Variants in ORMDL1 observed in about 807,000 individuals in gnomAD.
ORMDL1 encodes the protein ORMDL sphingolipid biosynthesis regulator 1.
ORMDL1 carries 10 observed loss-of-function variants against 13.0 expected under a neutral mutation model. The observed-to-expected ratio is 0.77, with a 90% CI of 0.47 to 1.30. ORMDL1 has a LOEUF of 1.30. Ranked by LOEUF, ORMDL1 falls within the 50% of genes most tolerant of loss-of-function variation. ORMDL1 has a pLI of 0.00. For synonymous variants in ORMDL1, 61 were observed against 63.9 expected, an observed-to-expected ratio of 0.95 and a Z score of 0.22; for missense variants, 171 against 186.7, an observed-to-expected ratio of 0.92 and a Z score of 0.49.
At chr2:189,777,101 TCTC>T (rs1445589633) in intron 3 of ORMDL1, among the ~76,000 whole-genome samples, 2 of 152,298 alleles carry the variant, frequency 1.3e-5, no homozygotes, top group South Asian at 2.1e-4. Flanking sequence ...TAATAATTAA[TCTC>T]CTCTTTATGT....
chr2:189,768,255 G>A (rs1251569821), downstream of ORMDL1, among the ~76,000 whole-genome samples: 1 of 152,096 alleles, frequency 6.6e-6, no homozygotes, highest in Non-Finnish European at 1.5e-5. Context: ...TTTCAGTACT[G>A]AACTTGTTCA....
intron 3 of ORMDL1, among the ~76,000 whole-genome samples, chr2:189,776,190 T>C (rs1204888894): frequency 2.0e-5 from 3 of 152,146 alleles, no homozygotes; most frequent in Admixed American, 6.5e-5. Context: ...TTTTGAGATA[T>C]TTAATATGAT....
At chr2:189,765,844 T>C (rs2047474624), downstream of ORMDL1, among the ~76,000 whole-genome samples, 1 of 71,568 alleles carries the variant, frequency 1.4e-5, no homozygotes, top group Non-Finnish European at 3.2e-5. Context: ...TCTCCATTTT[T>C]TTTTTTTTTT....
chr2:189,766,783 C>T (rs993449200), downstream of ORMDL1, among the ~76,000 whole-genome samples: 2 of 151,994 alleles, frequency 1.3e-5, no homozygotes, highest in Non-Finnish European at 2.9e-5. Flanking sequence ...TTCTGCCTTC[C>T]AGCCCTTGGC....
downstream of ORMDL1, among the ~76,000 whole-genome samples, chr2:189,770,132 G>GA (rs1390630837): frequency 1.3e-5 from 2 of 152,094 alleles, no homozygotes; most frequent in Non-Finnish European, 2.9e-5. Context: ...AAGCAGTGAA[G>GA]AAAGCATGTC....
At chr2:189,776,508 C>T (rs963837569) in intron 3 of ORMDL1, among the ~76,000 whole-genome samples, 4 of 152,080 alleles carry the variant, frequency 2.6e-5, no homozygotes, top group East Asian at 1.9e-4. Flanking sequence ...CTGCTTGAGG[C>T]ACTTTATGTA....
chr2:189,771,951 A>G, intron 4 of ORMDL1, 49 bp from the exon 5 acceptor site: 2 of 1,343,146 alleles, frequency 1.5e-6, no homozygotes, highest in Non-Finnish European at 9.9e-7. Flanking sequence ...AAATAAAATT[A>G]CTTGGAACTT....
chr2:189,767,257 C>T (rs1574957425), downstream of ORMDL1, among the ~76,000 whole-genome samples: 1 of 152,300 alleles, frequency 6.6e-6, no homozygotes, highest in East Asian at 1.9e-4. Context: ...TTCCCACATA[C>T]TCCCCATGAC....
downstream of ORMDL1, among the ~76,000 whole-genome samples, chr2:189,769,725 AAAG>A (rs1414607393): frequency 1.3e-5 from 2 of 152,334 alleles, no homozygotes; most frequent in East Asian, 1.9e-4. Flanking sequence ...ATAAGTAAAT[AAAG>A]AAGGGACAAA....
chr2:189,771,797 A>G lies in ORMDL1; in HGVS notation c.432T>C (p.Gly144=). 6.2e-7 allele frequency: 1 copy of G among 1,608,272 alleles called. No homozygotes were observed. The highest frequency in any genetic ancestry group is 1.3e-5 in the African/African-American group (1 of 74,648). Residue 144 remains glycine, a synonymous_variant, in exon 5 of 5, where the codon GGT becomes GGC. Coordinates refer to ENST00000392349, the MANE Select transcript of ORMDL1 (RefSeq NM_016467.5). ...ACTTATTAATTCCAAAGATCCGAAC[A>G]CCATGTAGTTGTGGCATTTTGGGAA... ...VLIPKMPQLH[G]VRIFGINKY
intron 1 of ORMDL1, 141 bp downstream of exon 1, chr2:189,784,128 C>T (rs1007563742): frequency 6.6e-6 from 1 of 152,360 alleles, no homozygotes; most frequent in East Asian, 1.9e-4. Context: ...CCTCTGAGGC[C>T]ACTTGGCTCT....
At chr2:189,763,880 G>A in the ORMDL1 span, 37 of 152,132 alleles carry the variant, frequency 2.4e-4, no homozygotes, top group African/African-American at 8.4e-4. Context: ...TTTTTTATTT[G>A]GAACTTATGT....
intron 4 of ORMDL1, among the ~76,000 whole-genome samples, chr2:189,773,193 T>A (rs2047616436): frequency 6.6e-6 from 1 of 152,222 alleles, no homozygotes; most frequent in African/African-American, 2.4e-5. Context: ...TGTCTTTTAA[T>A]TAAAACTAAT....
chr2:189,775,441 T>C, intron 4 of ORMDL1, 124 bp downstream of exon 4: 1 of 1,045,512 alleles, frequency 9.6e-7, no homozygotes, highest in Non-Finnish European at 1.4e-6. Flanking sequence ...TTATGTTCTA[T>C]CCGAGGTGCT....
intron 3 of ORMDL1, chr2:189,778,394 CA>C (rs748949890): frequency 5.2e-5 from 23 of 440,160 alleles, no homozygotes; most frequent in Middle Eastern, 5.1e-4. Flanking sequence ...AACTCCGTCT[CA>C]AAAAAAAAGG....
intron 3 of ORMDL1, among the ~76,000 whole-genome samples, chr2:189,778,843 CA>C (rs1285284931): frequency 6.6e-6 from 1 of 151,920 alleles, no homozygotes; most frequent in Non-Finnish European, 1.5e-5. Flanking sequence ...TGCAGTGAGC[CA>C]AGATTGCGCC....
chr2:189,782,561 G>C lies in ORMDL1; in HGVS notation c.35C>G (p.Pro12Arg). 6.2e-7 allele frequency: 1 copy of C among 1,614,150 alleles called. No individual in the cohort carries two copies. Residue 12 changes from proline (P) to arginine (R), a missense_variant, in exon 3 of 5, where the codon CCA (proline) becomes CGA (arginine). Coordinates refer to ENST00000392349, the MANE Select transcript of ORMDL1 (RefSeq NM_016467.5). ...CCGGCTGTTCATGACACGGGTATTTGGATTCACTTCACTGTGGGCAACTCC... is the reference window on the plus strand; with the variant it reads ...CCGGCTGTTCATGACACGGGTATTTCGATTCACTTCACTGTGGGCAACTCC... ...NVGVAHSEVNPNTRVMNSRGM... is the reference protein window; with the variant it reads ...NVGVAHSEVNRNTRVMNSRGM...
In ORMDL1 at chr2:189,771,684, A is replaced by T; in HGVS notation, c.*83T>A. ...TAAATACTTCTCATTTCACATTATC[A>T]CAGAAACAGTGCAGTTTACTAACCA... On this transcript the variant is annotated 3_prime_UTR_variant, in exon 5 of 5. Coordinates refer to ENST00000392349, the MANE Select transcript of ORMDL1 (RefSeq NM_016467.5). The T allele has an allele frequency of 8.2e-7, 1 of 1,216,224 alleles. No homozygotes were observed. 75.3% of individuals were successfully genotyped at this position (1,216,224 alleles called of 1,614,324 possible). A position where few individuals can be genotyped will look rare whatever the true frequency, so the allele number is the denominator to read the frequency against.
chr2:189,767,036 G>A (rs370168202), downstream of ORMDL1, among the ~76,000 whole-genome samples: 1 of 152,130 alleles, frequency 6.6e-6, no homozygotes. Context: ...TCCACCTTCT[G>A]GCTATTGTGA....
Sources: gnomAD v4.1 joint callset for allele counts (sites outside exome capture counted in the v4.1 genomes callset) on GRCh38, gnomAD v4.1.1 for gene constraint, MANE v1.5 for transcripts, NCBI Gene and HGNC (gene_info 2026-07-23, HGNC 2026-07-21) for gene names.